Variants in ENTREP1 observed in about 807,000 individuals in gnomAD.
ENTREP1 encodes the protein endosomal transmembrane epsin interactor 1.
chr9:69,384,121 G>A, the ENTREP1 span: 17 of 853,868 alleles, frequency 2.0e-5, no homozygotes, highest in Non-Finnish European at 3.0e-5. Context: ...ACTTTGGGAG[G>A]CCGAGGTGGG....
chr9:69,336,090 T>A, the ENTREP1 span: 2 of 516,188 alleles, frequency 3.9e-6, no homozygotes, highest in Non-Finnish European at 6.6e-6. Context: ...AGGAGGAATA[T>A]TAAATGTTTG....
chr9:69,340,961 A>G, the ENTREP1 span, among the ~76,000 whole-genome samples: 11 of 152,230 alleles, frequency 7.2e-5, no homozygotes, highest in African/African-American at 2.7e-4. Context: ...ATGATGGACA[A>G]TGCTAGAAAC....
the ENTREP1 span, among the ~76,000 whole-genome samples, chr9:69,334,776 T>C: frequency 4.4e-4 from 37 of 84,560 alleles, no homozygotes; most frequent in African/African-American, 2.3e-3. Flanking sequence ...TTTCCTTTTC[T>C]TTTTTTTTTT....
the ENTREP1 span, among the ~76,000 whole-genome samples, chr9:69,356,271 A>G: frequency 1.3e-5 from 2 of 152,212 alleles, no homozygotes; most frequent in Non-Finnish European, 2.9e-5. Flanking sequence ...TCACTTAGCA[A>G]AATGTTTTCA....
chr9:69,388,054 T>C, the ENTREP1 span: 11 of 1,601,152 alleles, frequency 6.9e-6, no homozygotes, highest in Non-Finnish European at 8.5e-6. Context: ...TCAGCATTTG[T>C]CAGATGCTTT....
the ENTREP1 span, among the ~76,000 whole-genome samples, chr9:69,360,777 C>T: frequency 2.0e-5 from 3 of 152,058 alleles, no homozygotes; most frequent in African/African-American, 7.2e-5. Context: ...TCCCTGTTTC[C>T]TGGATTCCAT....
chr9:69,331,239 A>G, the ENTREP1 span, among the ~76,000 whole-genome samples: 17 of 152,378 alleles, frequency 1.1e-4, no homozygotes, highest in African/African-American at 3.6e-4. Context: ...CTGTGTTTAC[A>G]TACAGCAGCT....
At chr9:69,379,731 G>A in the ENTREP1 span, 3 of 152,220 alleles carry the variant, frequency 2.0e-5, no homozygotes, top group African/African-American at 7.2e-5. Flanking sequence ...TGACACTGAG[G>A]TTGCGGATGA....
the ENTREP1 span, among the ~76,000 whole-genome samples, chr9:69,366,761 T>C: frequency 1.6e-4 from 25 of 152,124 alleles, no homozygotes; most frequent in African/African-American, 6.0e-4. Flanking sequence ...AATATGGTTA[T>C]TTAGTTTTCC....
chr9:69,340,671 G>A, the ENTREP1 span, among the ~76,000 whole-genome samples: 1 of 139,960 alleles, frequency 7.1e-6, no homozygotes, highest in African/African-American at 2.7e-5. Flanking sequence ...GTGTGCGTGT[G>A]TGTGTGCATG....
At chr9:69,333,057 G>A in the ENTREP1 span, among the ~76,000 whole-genome samples, 1 of 152,176 alleles carries the variant, frequency 6.6e-6, no homozygotes, top group African/African-American at 2.4e-5. Context: ...GGAAGAGGCA[G>A]GGAAAGTATA....
the ENTREP1 span, chr9:69,371,475 C>T: frequency 6.9e-7 from 1 of 1,444,742 alleles, no homozygotes; most frequent in Non-Finnish European, 9.8e-7. Context: ...CTTTTACTAA[C>T]TGTCCATTCT....
chr9:69,366,079 T>C, the ENTREP1 span, among the ~76,000 whole-genome samples: 1 of 152,164 alleles, frequency 6.6e-6, no homozygotes, highest in African/African-American at 2.4e-5. Context: ...GGTAACTCCA[T>C]TTTTATTTTT....
At chr9:69,332,439 A>G in the ENTREP1 span, among the ~76,000 whole-genome samples, 8 of 152,222 alleles carry the variant, frequency 5.3e-5, 1 homozygote, top group South Asian at 1.7e-3. Context: ...TTTGTCTTCA[A>G]TCCATAGACT....
At chr9:69,352,400 T>G in the ENTREP1 span, among the ~76,000 whole-genome samples, 1 of 152,174 alleles carries the variant, frequency 6.6e-6, no homozygotes, top group African/African-American at 2.4e-5. Context: ...ATTACAAGCG[T>G]GAGCCACTGC....
the ENTREP1 span, chr9:69,383,408 T>A: frequency 2.2e-6 from 3 of 1,365,968 alleles, no homozygotes; most frequent in East Asian, 8.7e-5. Context: ...TTAAAAGCAA[T>A]GATGGGGTTG....
At chr9:69,391,986 G>A in the ENTREP1 span, 1 of 623,372 alleles carries the variant, frequency 1.6e-6, no homozygotes, top group South Asian at 2.0e-5. Context: ...GTCGGTCCAG[G>A]CCCGTCTGGG....
chr9:69,340,513 AATG>A, the ENTREP1 span, among the ~76,000 whole-genome samples: 1 of 152,310 alleles, frequency 6.6e-6, no homozygotes, highest in South Asian at 2.1e-4. Context: ...TCAGAACAAA[AATG>A]ATAATATTGG....
At chr9:69,325,234 CT>C in the ENTREP1 span, 1 of 1,067,784 alleles carries the variant, frequency 9.4e-7, no homozygotes, top group Non-Finnish European at 1.1e-6. Flanking sequence ...TGTGCTGCGC[CT>C]TCGGCTCGGC....
Sources: gnomAD v4.1 joint callset for allele counts (sites outside exome capture counted in the v4.1 genomes callset) on GRCh38, gnomAD v4.1.1 for gene constraint, MANE v1.5 for transcripts, NCBI Gene and HGNC (gene_info 2026-07-23, HGNC 2026-07-21) for gene names.